Variants in TMEM161B observed in about 807,000 individuals in gnomAD.
The protein encoded by TMEM161B is transmembrane protein 161B.
A neutral mutation model predicts 61.8 loss-of-function variants in TMEM161B; 34 were observed. The observed-to-expected ratio is 0.55, with a 90% CI of 0.42 to 0.73. TMEM161B has a LOEUF of 0.73. Among genes scored for constraint, TMEM161B ranks in the 30% least tolerant of loss-of-function variants. TMEM161B has a pLI of 0.00. For synonymous variants in TMEM161B, 167 were observed against 192.8 expected (o/e 0.87, Z 1.11); for missense variants, 456 against 558.5 (o/e 0.82, Z 1.85).
At chr5:88,200,263 A>G (rs1251995530) in intron 9 of TMEM161B, 1 of 152,042 alleles carries the variant, frequency 6.6e-6, no homozygotes, top group Non-Finnish European at 1.5e-5. Context: ...ATGGACATAA[A>G]ATTTCAATGG....
intron 8 of TMEM161B, among the ~76,000 whole-genome samples, chr5:88,205,050 A>C (rs754502418): frequency 5.3e-5 from 8 of 152,200 alleles, no homozygotes; most frequent in Non-Finnish European, 1.0e-4. Flanking sequence ...CTTCTACTGC[A>C]AAACAAAACG....
intron 5 of TMEM161B, among the ~76,000 whole-genome samples, chr5:88,213,184 A>T (rs2112471019): frequency 6.6e-6 from 1 of 152,310 alleles, no homozygotes; most frequent in Middle Eastern, 3.4e-3. Flanking sequence ...ATTGCAAAGA[A>T]ACCTAGAAAC....
intron 9 of TMEM161B, chr5:88,202,036 C>A: frequency 2.3e-6 from 1 of 425,760 alleles, no homozygotes; most frequent in Non-Finnish European, 4.7e-6. Context: ...ATTTATTAAG[C>A]ACTTAATTCC....
At chr5:88,197,304 G>T (rs1346054672) in intron 11 of TMEM161B, among the ~76,000 whole-genome samples, 3 of 152,130 alleles carry the variant, frequency 2.0e-5, no homozygotes, top group Non-Finnish European at 4.4e-5. Flanking sequence ...TGTAATTTAT[G>T]TAAGTTTATA....
In TMEM161B at chr5:88,203,042, TA is replaced by T; in HGVS notation, c.833del (p.Leu278TyrfsTer8). 6.2e-7 allele frequency: 1 copy of T among 1,609,502 alleles called. No homozygotes were observed. The highest frequency in any genetic ancestry group is 8.5e-7 in the Non-Finnish European group (1 of 1,176,376). ...TLLHINFLAP[L>X]FMVLLWVKPI... is the part of the protein sequence containing the mutation. ...GTTTTACCCAGAGCAGAACCATAAA[TA>T]AAGGTGCCAAGAAGTTGATATGAAG... On this transcript the variant is annotated frameshift_variant, in exon 9 of 12. Transcript: ENST00000296595. LOFTEE classifies it high-confidence loss of function.
chr5:88,215,162 A>C (rs1457756562), intron 5 of TMEM161B, among the ~76,000 whole-genome samples: 2 of 152,220 alleles, frequency 1.3e-5, no homozygotes, highest in African/African-American at 4.8e-5. Flanking sequence ...ACATTTCATC[A>C]GTAACAACTG....
At chr5:88,239,424 T>C (rs1192966071) in intron 2 of TMEM161B, among the ~76,000 whole-genome samples, 2 of 152,008 alleles carry the variant, frequency 1.3e-5, no homozygotes, top group African/African-American at 4.8e-5. Flanking sequence ...TAATGATAAT[T>C]TGCCCAGCTC....
intron 2 of TMEM161B, among the ~76,000 whole-genome samples, chr5:88,228,849 G>C (rs1750504511): frequency 6.6e-6 from 1 of 152,130 alleles, no homozygotes; most frequent in Non-Finnish European, 1.5e-5. Flanking sequence ...GAAGTCTGTA[G>C]CCAAGTGGGC....
rs555012486 is a variant in TMEM161B at position 88,217,267 on chromosome 5, T to C, written c.446+3296A>G. 2.0e-5 allele frequency among the ~76,000 whole-genome samples: 3 copies of C among 152,080 alleles called. No homozygotes were observed. In the South Asian group the frequency reaches 6.2e-4, roughly 32 times the overall value. On this transcript the variant is annotated intron_variant, in intron 5 of 11. Transcript: ENST00000296595. ...GCAAGACTCTGTCTCTAAAAAAAAT[T>C]TTTTTAAAGACAGATTAAGCAAATC...
intron 5 of TMEM161B, among the ~76,000 whole-genome samples, chr5:88,215,860 A>G (rs1355637366): frequency 6.6e-6 from 1 of 152,250 alleles, no homozygotes; most frequent in Non-Finnish European, 1.5e-5. Flanking sequence ...TCTGGTACAT[A>G]TGTATCAAGG....
At chr5:88,194,955 T>G (rs1749376172), downstream of TMEM161B, 1 of 170,548 alleles carries the variant, frequency 5.9e-6, no homozygotes. Context: ...TCATTTCCCT[T>G]GAATGTTTCA....
intron 1 of TMEM161B, among the ~76,000 whole-genome samples, chr5:88,261,791 C>A: frequency 7.9e-6 from 1 of 125,888 alleles, no homozygotes; most frequent in South Asian, 2.7e-4. Flanking sequence ...CAAAAGTTAA[C>A]TCAAATAGAA....
At chr5:88,262,930 A>G (rs533157307) in intron 1 of TMEM161B, among the ~76,000 whole-genome samples, 2 of 152,204 alleles carry the variant, frequency 1.3e-5, no homozygotes, top group Non-Finnish European at 2.9e-5. Flanking sequence ...TTTTAATGCA[A>G]CACAAAAATA....
At chr5:88,205,788 T>C in intron 8 of TMEM161B, 26 bp downstream of exon 8, 2 of 1,608,574 alleles carry the variant, frequency 1.2e-6, no homozygotes, top group South Asian at 1.1e-5. Context: ...TTTATCTGCA[T>C]GTGCTTATGT....
chr5:88,238,199 T>G (rs1232054723), intron 2 of TMEM161B, among the ~76,000 whole-genome samples: 1 of 152,078 alleles, frequency 6.6e-6, no homozygotes, highest in East Asian at 1.9e-4. Context: ...TTCTGAGTAT[T>G]TTTGATCCAT....
chr5:88,220,151 GTAAAAGTGACTA>G (rs568415616), intron 5 of TMEM161B, among the ~76,000 whole-genome samples: 150 of 152,148 alleles, frequency 9.9e-4, no homozygotes, highest in Non-Finnish European at 1.8e-3. Context: ...GCACAACATG[GTAAAAGTGACTA>G]TAAATTTAAT....
intron 1 of TMEM161B, chr5:88,250,531 G>A (rs1234453854): frequency 6.6e-6 from 1 of 152,146 alleles, no homozygotes; most frequent in East Asian, 1.9e-4. Context: ...CCATCTAAGT[G>A]GAGAGAAATC....
chr5:88,232,759 A>T (rs1349341261), intron 2 of TMEM161B, among the ~76,000 whole-genome samples: 1 of 152,160 alleles, frequency 6.6e-6, no homozygotes, highest in Non-Finnish European at 1.5e-5. Context: ...ATTTTTTAGT[A>T]GAAATGGGGT....
chr5:88,242,828 G>A (rs779011415), intron 1 of TMEM161B, among the ~76,000 whole-genome samples: 18 of 151,112 alleles, frequency 1.2e-4, no homozygotes, highest in Non-Finnish European at 2.2e-4. Context: ...TCTCCTAAAT[G>A]ATAAAAGAAG....
Sources: allele counts gnomAD v4.1 joint callset (sites outside exome capture counted in the v4.1 genomes callset), GRCh38; gene constraint gnomAD v4.1.1; transcripts MANE v1.5; gene names NCBI Gene and HGNC (gene_info 2026-07-23, HGNC 2026-07-21).